The following KIF18B variants were observed in gnomAD, a reference collection of about 807,000 sequenced individuals.
KIF18B encodes kinesin family member 18B, also known as kinesin-like protein KIF18B.
In KIF18B, 49 loss-of-function variants were observed where a neutral mutation model predicts 80.9. That is an observed-to-expected ratio of 0.61 (90% CI 0.48 to 0.77). The LOEUF (loss-of-function observed/expected upper bound fraction) is 0.77, where lower values mean the gene tolerates loss of function less well. KIF18B is among the 30% of genes least tolerant of loss of function. The pLI is 0.00. For synonymous variants in KIF18B, 439 were observed against 463.9 expected (o/e 0.95, Z 0.69); for missense variants, 994 against 1,127.7 (o/e 0.88, Z 1.70).
chr17:44,942,554 G>A (rs763806715), intron 1 of KIF18B, among the ~76,000 whole-genome samples: 1 of 152,212 alleles, frequency 6.6e-6, no homozygotes, highest in Non-Finnish European at 1.5e-5. Context: ...TTTTACAGGC[G>A]ATGCTGTAGC....
rs1045594614 is a variant in KIF18B, at chr17:44,935,168, C to A, written c.471+91G>T. The A allele has an allele frequency of 1.2e-4, 167 of 1,348,368 alleles. 1 individual carries two copies. In the Admixed American group the frequency reaches 4.3e-3, roughly 34 times the overall value. 83.5% of individuals were successfully genotyped at this position (1,348,368 alleles called of 1,614,324 possible). ...AGGGGTGCCAGCTCTCCATTTCCTG[C>A]CACCCTGTCCCACACCAGCTCACTC... On this transcript the variant is annotated intron_variant, in intron 3 of 15. Transcript: ENST00000593135.
chr17:44,940,568 G>A (rs1005567890), intron 1 of KIF18B, among the ~76,000 whole-genome samples: 3 of 152,092 alleles, frequency 2.0e-5, no homozygotes, highest in African/African-American at 4.8e-5. Context: ...GGAATGCAGC[G>A]TACCAAGGGT....
chr17:44,944,744 T>G (rs1003611444), intron 1 of KIF18B, among the ~76,000 whole-genome samples: 1 of 152,230 alleles, frequency 6.6e-6, no homozygotes. Flanking sequence ...TATGGAAAAT[T>G]GAATTCCTCA....
At position 44,934,758 on chromosome 17, in the gene KIF18B, T is replaced by A; in HGVS notation, c.576+73A>T. The A allele has an allele frequency of 1.5e-6, 2 of 1,315,922 alleles. No individual in the cohort carries two copies. The highest frequency in any genetic ancestry group is 4.4e-5 in the Admixed American group (2 of 45,506). 81.5% of individuals were successfully genotyped at this position (1,315,922 alleles called of 1,614,324 possible). ...TACCACCATCACAGGACCCAGGGCA[T>A]CCCCAAACAGTTTTGTGAGGGAACC... On this transcript the variant is annotated intron_variant, in intron 4 of 15. Coordinates refer to ENST00000593135, the MANE Select transcript of KIF18B (RefSeq NM_001265577.2). This position sits in a 1 kb window ranked among gnomAD's most constrained non-coding sequence, Gnocchi z 5.4.
chr17:44,935,705 T>A (rs955370809), intron 2 of KIF18B, among the ~76,000 whole-genome samples: 1 of 152,180 alleles, frequency 6.6e-6, no homozygotes, highest in Non-Finnish European at 1.5e-5. Flanking sequence ...GTTATCTCCC[T>A]CTTACCACTT....
At chr17:44,947,222 C>G (rs543500951) in intron 1 of KIF18B, among the ~76,000 whole-genome samples, 11 of 151,782 alleles carry the variant, frequency 7.2e-5, no homozygotes, top group African/African-American at 2.4e-4. Flanking sequence ...CTTACATACT[C>G]CTCACTGACA....
chr17:44,927,956 C>T lies in KIF18B; in HGVS notation c.2276+70G>A, dbSNP rs2052062999. On this transcript the variant is annotated intron_variant, in intron 13 of 15. Coordinates refer to ENST00000593135, the MANE Select transcript of KIF18B (RefSeq NM_001265577.2). The surrounding 1 kb of genome is among the most constrained non-coding windows in gnomAD (Gnocchi z 4.1). ...CAAGGCTGTCCTCCATACTTCTCAGCAGCACCAAGAAGTCCCTTGCTGACC... is the reference window on the plus strand; with the variant it reads ...CAAGGCTGTCCTCCATACTTCTCAGTAGCACCAAGAAGTCCCTTGCTGACC... 5.3e-6 allele frequency: 7 copies of T among 1,310,358 alleles called. No homozygotes were observed. Among genetic ancestry groups the T allele is most frequent in the Non-Finnish European group, 7.2e-6 (7 of 965,972 alleles). The allele number at this position is 1,310,358 out of a possible 1,614,324, so 81.2% of individuals were successfully genotyped here.
chr17:44,937,930 T>C (rs1469896757), intron 1 of KIF18B, among the ~76,000 whole-genome samples: 1 of 151,962 alleles, frequency 6.6e-6, no homozygotes, highest in Non-Finnish European at 1.5e-5. Context: ...CTTGGGGTTA[T>C]TGTTAGGAAA....
intron 1 of KIF18B, among the ~76,000 whole-genome samples, 198 bp downstream of exon 1, chr17:44,947,430 C>A (rs2052533172): frequency 6.6e-6 from 1 of 152,238 alleles, no homozygotes; most frequent in Non-Finnish European, 1.5e-5. Flanking sequence ...AAGCGCTCCG[C>A]TTCCCGCCCA....
At chr17:44,933,843 T>C in intron 7 of KIF18B, 80 bp downstream of exon 7, 1 of 1,341,574 alleles carries the variant, frequency 7.5e-7, no homozygotes, top group South Asian at 1.4e-5. Flanking sequence ...AGGGATCTAT[T>C]GGAGCTGCCT....
intron 10 of KIF18B, 67 bp from the exon 11 acceptor site, chr17:44,931,796 C>T: frequency 4.4e-6 from 7 of 1,574,106 alleles, no homozygotes; most frequent in Non-Finnish European, 6.0e-6. Context: ...TAAACAGCTT[C>T]TAAAATCCTT....
chr17:44,926,406 C>T lies in KIF18B; in HGVS notation c.2452+8G>A, dbSNP rs530427949. On this transcript the variant is annotated splice_region_variant and intron_variant, in intron 15 of 15. Coordinates refer to ENST00000593135, the MANE Select transcript of KIF18B (RefSeq NM_001265577.2). ...GCCCAGGCTATCCCTGTCCCTAGTGCCAGTCACCTGGGAGTACAAGGGGCC... is the reference window on the plus strand; with the variant it reads ...GCCCAGGCTATCCCTGTCCCTAGTGTCAGTCACCTGGGAGTACAAGGGGCC... 3.6e-5 allele frequency: 57 copies of T among 1,567,070 alleles called. No individual in the cohort carries two copies. The highest frequency in any genetic ancestry group is 3.4e-4 in the South Asian group (29 of 85,110).
intron 3 of KIF18B, 80 bp from the exon 4 acceptor site, chr17:44,935,015 T>C: frequency 9.3e-7 from 1 of 1,078,912 alleles, no homozygotes; most frequent in East Asian, 2.6e-5. Flanking sequence ...ACAGGGGAGC[T>C]GAGGCCGGGA....
At chr17:44,942,029 G>A (rs951604174) in intron 1 of KIF18B, among the ~76,000 whole-genome samples, 1 of 152,152 alleles carries the variant, frequency 6.6e-6, no homozygotes, top group African/African-American at 2.4e-5. Flanking sequence ...CCTGGTCCCT[G>A]TTCAGCATCT....
chr17:44,938,984 CGGT>C (rs2052362963), intron 1 of KIF18B, among the ~76,000 whole-genome samples: 1 of 150,906 alleles, frequency 6.6e-6, no homozygotes, highest in Non-Finnish European at 1.5e-5. Flanking sequence ...GTAGAGGTTG[CGGT>C]GAGCTGAGAT....
intron 11 of KIF18B, among the ~76,000 whole-genome samples, 198 bp from the exon 12 acceptor site, chr17:44,929,222 G>T (rs1175831996): frequency 6.6e-6 from 1 of 152,232 alleles, no homozygotes; most frequent in Non-Finnish European, 1.5e-5. Context: ...TGCTATTGCT[G>T]AAGGCCAAGG....
At chr17:44,939,089 T>G (rs1714803248) in intron 1 of KIF18B, among the ~76,000 whole-genome samples, 1 of 139,878 alleles carries the variant, frequency 7.1e-6, no homozygotes, top group African/African-American at 2.7e-5. Context: ...CATGAATTTG[T>G]GCCGGGTGCG....
chr17:44,933,925 A>G lies in KIF18B; in HGVS notation c.1060T>C (p.Ser354Pro). ...YADRAKEIRL[S>P]LKSNVTSLDC... ...AGCCGGCCCTGGCTGGCACGCACCG[A>G]GAGCCTGATCTCCTTGGCCCGGTCG... The change falls in exon 7 of 16, where the codon TCG becomes CCG. Residue 354 changes from serine (S) to proline (P), a missense_variant and splice_region_variant. Coordinates refer to ENST00000593135, the MANE Select transcript of KIF18B (RefSeq NM_001265577.2). 6.4e-7 allele frequency: 1 copy of G among 1,560,360 alleles called. No homozygotes were observed. Among genetic ancestry groups the G allele is most frequent in the South Asian group, 1.2e-5 (1 of 84,916 alleles).
At chr17:44,940,523 C>T (rs1020417423) in intron 1 of KIF18B, among the ~76,000 whole-genome samples, 5 of 152,244 alleles carry the variant, frequency 3.3e-5, no homozygotes, top group East Asian at 1.9e-4. Context: ...ATTTCTCTTT[C>T]GAAACAGCGT....
Sources: allele counts gnomAD v4.1 joint callset (sites outside exome capture counted in the v4.1 genomes callset), GRCh38; gene constraint gnomAD v4.1.1; non-coding constraint Gnocchi (gnomAD v3.1); transcripts MANE v1.5; gene names NCBI Gene and HGNC (gene_info 2026-07-23, HGNC 2026-07-21).